The following ZNF124 variants were observed in gnomAD, a reference collection of about 807,000 sequenced individuals.
The protein encoded by ZNF124 is zinc finger protein HZF-16.
Under a neutral mutation model 26.6 loss-of-function variants are expected in ZNF124, and 25 were observed. The ratio of observed to expected loss-of-function variants is 0.94; its 90% CI spans 0.68 to 1.31. The LOEUF is 1.31. Among genes scored for constraint, ZNF124 ranks in the 40% most tolerant of loss-of-function variants. The pLI is 0.00. For missense variants in ZNF124, 444 were observed against 422.2 expected, an observed-to-expected ratio of 1.05 and a Z score of -0.45; for synonymous variants, 129 against 133.3, an observed-to-expected ratio of 0.97 and a Z score of 0.22.
At chr1:247,159,175 C>A (rs564954214) in intron 2 of ZNF124, 109 bp from the exon 3 acceptor site, 3 of 1,019,766 alleles carry the variant, frequency 2.9e-6, no homozygotes, top group East Asian at 2.7e-5. Flanking sequence ...AAAATGAATG[C>A]TGTAATTTGG....
chr1:247,133,938 C>T (rs1409162675), intron 3 of ZNF124, among the ~76,000 whole-genome samples: 1 of 152,136 alleles, frequency 6.6e-6, no homozygotes, highest in Non-Finnish European at 1.5e-5. Context: ...TAGGCATGAG[C>T]CACGGCGCCC....
intron 3 of ZNF124, chr1:247,149,892 T>C (rs1222024840): frequency 1.3e-5 from 2 of 152,208 alleles, no homozygotes; most frequent in South Asian, 2.1e-4. Flanking sequence ...AATCAAGCCA[T>C]TGGCAGACTG....
At chr1:247,164,047 T>G (rs1673644341) in intron 1 of ZNF124, among the ~76,000 whole-genome samples, 1 of 152,066 alleles carries the variant, frequency 6.6e-6, no homozygotes, top group Non-Finnish European at 1.5e-5. Flanking sequence ...AAAAACAACA[T>G]GATCATCTCA....
At chr1:247,158,593 A>G (rs2103122591) in intron 3 of ZNF124, among the ~76,000 whole-genome samples, 1 of 152,210 alleles carries the variant, frequency 6.6e-6, no homozygotes, top group Admixed American at 6.5e-5. Flanking sequence ...AAACTTTGAG[A>G]ATAAATTGAT....
intron 3 of ZNF124, among the ~76,000 whole-genome samples, chr1:247,127,358 T>TTGG (rs1394677764): frequency 1.1e-4 from 1 of 9,382 alleles, no homozygotes; most frequent in Non-Finnish European, 2.2e-4. Context: ...TGATTTGGGG[T>TTGG]TAAGTTTTCT....
At chr1:247,130,839 A>G (rs1452609184) in intron 3 of ZNF124, among the ~76,000 whole-genome samples, 1 of 152,184 alleles carries the variant, frequency 6.6e-6, no homozygotes, top group East Asian at 1.9e-4. Context: ...GCACTTTGGG[A>G]GGCCGAGGTG....
Position 247,156,545 on chromosome 1 carries a change from A to G in ZNF124, c.*21T>C. ...ATGTGACTGTTCATGTTTTTGACAA[A>G]AACTGTAGTGATTAAAGCCTTTACA... On this transcript the variant is annotated 3_prime_UTR_variant, in exon 4 of 4. Coordinates refer to ENST00000543802, the MANE Select transcript of ZNF124 (RefSeq NM_001297568.2). The G allele has an allele frequency of 6.6e-7, 1 of 1,509,338 alleles. No homozygotes were observed. The highest frequency in any genetic ancestry group is 8.8e-7 in the Non-Finnish European group (1 of 1,132,988). The allele number at this position is 1,509,338 out of a possible 1,614,324, so 93.5% of individuals were successfully genotyped here.
In ZNF124 at chr1:247,156,837, T is replaced by C; in HGVS notation, c.785A>G (p.Tyr262Cys). The change falls in exon 4 of 4, where the codon TAT (tyrosine) becomes TGT (cysteine). Residue 262 changes from tyrosine (Y) to cysteine (C), a missense_variant. Transcript: ENST00000543802. ...HIKAHAGEEPYPCKQCGKAFR... is the reference protein window; with the variant it reads ...HIKAHAGEEPCPCKQCGKAFR... The stretch of plus-strand genomic sequence containing the variant: ...GGCTTTCCCACATTGCTTACATGGA[T>C]AGGGTTCTTCACCAGCATGAGCCTT... 6.2e-7 allele frequency: 1 copy of C among 1,614,170 alleles called. No individual in the cohort carries two copies. Among genetic ancestry groups the C allele is most frequent in the Non-Finnish European group, 8.5e-7 (1 of 1,180,026 alleles).
chr1:247,146,483 C>T (rs1672782436), intron 3 of ZNF124, among the ~76,000 whole-genome samples: 1 of 152,142 alleles, frequency 6.6e-6, no homozygotes, highest in Admixed American at 6.5e-5. Context: ...CTGTAGCAAG[C>T]TTATAACTGA....
intron 1 of ZNF124, among the ~76,000 whole-genome samples, chr1:247,170,746 G>T (rs375455907): frequency 1.4e-5 from 2 of 142,544 alleles, no homozygotes; most frequent in Admixed American, 1.4e-4. Flanking sequence ...ATAACTGGGG[G>T]CTGCATGCAC....
chr1:247,165,250 G>C (rs906961222), intron 1 of ZNF124, among the ~76,000 whole-genome samples: 2 of 152,134 alleles, frequency 1.3e-5, no homozygotes, highest in African/African-American at 4.8e-5. Context: ...ACAGGCGTGA[G>C]CCACTGCGCC....
intron 1 of ZNF124, 138 bp from the exon 2 acceptor site, chr1:247,159,951 T>C (rs1673382951): frequency 2.5e-6 from 2 of 813,372 alleles, no homozygotes; most frequent in Non-Finnish European, 3.5e-6. Flanking sequence ...TGACTCTGTC[T>C]ACACTTCCTT....
chr1:247,157,592 T>C (rs1673225771), intron 3 of ZNF124, 189 bp from the exon 4 acceptor site: 1 of 624,158 alleles, frequency 1.6e-6, no homozygotes. Flanking sequence ...CCATCATTAA[T>C]GGTTTATTAG....
chr1:247,147,549 G>A (rs1672817953), intron 3 of ZNF124, among the ~76,000 whole-genome samples: 2 of 152,132 alleles, frequency 1.3e-5, no homozygotes, highest in African/African-American at 4.8e-5. Context: ...TTGAAGCACA[G>A]TCTCAATTAT....
chr1:247,137,487 C>CA (rs56926662), intron 3 of ZNF124, among the ~76,000 whole-genome samples: 2,456 of 81,258 alleles, frequency 0.03, 32 homozygotes, highest in African/African-American at 0.042. Context: ...ACTAAAAATA[C>CA]AAAAAAAAAA....
chr1:247,152,892 G>A (rs1558381907), downstream of ZNF124, among the ~76,000 whole-genome samples: 1 of 152,094 alleles, frequency 6.6e-6, no homozygotes, highest in Non-Finnish European at 1.5e-5. Context: ...ATCTAGCTTT[G>A]GGAGGCCAAG....
At chr1:247,126,359 C>T (rs1440901970) in intron 3 of ZNF124, among the ~76,000 whole-genome samples, 1 of 87,184 alleles carries the variant, frequency 1.1e-5, no homozygotes, top group Non-Finnish European at 2.3e-5. Flanking sequence ...CAATCAGGGG[C>T]ACCGGGGCGG....
rs559697505 is a variant in ZNF124, at chr1:247,146,898, G to A, written c.218+12108C>T. 4.6e-5 allele frequency among the ~76,000 whole-genome samples: 7 copies of A among 151,594 alleles called. No homozygotes were observed. In the East Asian group the frequency reaches 5.8e-4, roughly 13 times the overall value. On this transcript the variant is annotated intron_variant, in intron 3 of 3. Coordinates refer to the ZNF124 transcript ENST00000472531. ...CAGAATTTCTACTAGAACAGGTACC[G>A]GGGGGTAGCTTCTGAGGTTAGGAGG...
chr1:247,150,382 C>T (rs1672896737), downstream of ZNF124, among the ~76,000 whole-genome samples: 2 of 152,068 alleles, frequency 1.3e-5, no homozygotes, highest in South Asian at 4.1e-4. Context: ...AAGAAAATAA[C>T]AGAATTATAC....
Sources: allele counts gnomAD v4.1 joint callset (sites outside exome capture counted in the v4.1 genomes callset), GRCh38; gene constraint gnomAD v4.1.1; transcripts MANE v1.5; gene names NCBI Gene and HGNC (gene_info 2026-07-23, HGNC 2026-07-21).